CNTNAP2: variants seen among roughly 807,000 people sequenced by gnomAD.
CNTNAP2 encodes the protein contactin-associated protein-like 2.
In CNTNAP2, 98 loss-of-function variants were observed where a neutral mutation model predicts 155.2. The observed-to-expected ratio is 0.63, with a 90% CI of 0.54 to 0.75. The LOEUF (loss-of-function observed/expected upper bound fraction) is 0.75, where lower values mean the gene tolerates loss of function less well. Ranked by LOEUF, CNTNAP2 falls within the 30% of genes least tolerant of loss-of-function variation. CNTNAP2 has a pLI of 0.00. For missense variants in CNTNAP2, 1,727 were observed against 1,688.1 expected (o/e 1.02, Z -0.40); for synonymous variants, 651 against 631.2 (o/e 1.03, Z -0.47).
At chr7:147,595,930 C>G (rs1191206688) in intron 12 of CNTNAP2, among the ~76,000 whole-genome samples, 1 of 152,182 alleles carries the variant, frequency 6.6e-6, no homozygotes, top group Non-Finnish European at 1.5e-5. Flanking sequence ...GGGCTTTCTT[C>G]TCTTTGCTTG....
chr7:146,402,291 T>C (rs1412980782), intron 1 of CNTNAP2, among the ~76,000 whole-genome samples: 1 of 152,144 alleles, frequency 6.6e-6, no homozygotes, highest in Non-Finnish European at 1.5e-5. Flanking sequence ...TTCAGCTGTT[T>C]TCTATGTATT....
At chr7:148,408,247 C>T (rs879507847) in intron 22 of CNTNAP2, among the ~76,000 whole-genome samples, 2 of 152,024 alleles carry the variant, frequency 1.3e-5, no homozygotes, top group Admixed American at 1.3e-4. Flanking sequence ...AGACCCTTTC[C>T]CCACACTGCC....
chr7:147,359,420 G>T (rs956165745), intron 9 of CNTNAP2, among the ~76,000 whole-genome samples: 2 of 152,090 alleles, frequency 1.3e-5, no homozygotes, highest in African/African-American at 2.4e-5. Context: ...CCTATAGCCT[G>T]CTCTCAGCAC....
At chr7:146,620,320 C>T (rs930101037) in intron 1 of CNTNAP2, among the ~76,000 whole-genome samples, 3 of 152,156 alleles carry the variant, frequency 2.0e-5, no homozygotes, top group Non-Finnish European at 2.9e-5. Flanking sequence ...GCTAACGGTG[C>T]TGCCTGCTAG....
intron 8 of CNTNAP2, among the ~76,000 whole-genome samples, chr7:147,252,016 G>A (rs1302121457): frequency 3.9e-5 from 6 of 152,066 alleles, no homozygotes; most frequent in Non-Finnish European, 7.4e-5. Context: ...AAAAAGTGCT[G>A]TATTCAACTG....
At chr7:146,703,349 G>A (rs988543440) in intron 1 of CNTNAP2, among the ~76,000 whole-genome samples, 8 of 151,972 alleles carry the variant, frequency 5.3e-5, no homozygotes, top group Non-Finnish European at 8.8e-5. Flanking sequence ...TAATGTGTAC[G>A]AAAAAATGCA....
At chr7:147,592,116 C>G (rs75791493) in intron 12 of CNTNAP2, among the ~76,000 whole-genome samples, 221 of 152,268 alleles carry the variant, frequency 1.5e-3, no homozygotes, top group African/African-American at 4.9e-3. Flanking sequence ...TGCCTGTGAA[C>G]AGGGACTGTG....
At chr7:147,614,680 CAG>C (rs1055702174) in intron 12 of CNTNAP2, among the ~76,000 whole-genome samples, 12 of 151,304 alleles carry the variant, frequency 7.9e-5, no homozygotes, top group Non-Finnish European at 1.8e-4. Flanking sequence ...TGACTAGAAA[CAG>C]TGATTATAAG....
At chr7:146,182,380 A>G (rs1798561422) in intron 1 of CNTNAP2, among the ~76,000 whole-genome samples, 1 of 152,154 alleles carries the variant, frequency 6.6e-6, no homozygotes. Context: ...TGTAGGAGAC[A>G]TGTACATATT....
intron 18 of CNTNAP2, among the ~76,000 whole-genome samples, chr7:148,181,188 G>T (rs1331175347): frequency 6.6e-6 from 1 of 152,164 alleles, no homozygotes; most frequent in Admixed American, 6.5e-5. Context: ...CCACCATGTA[G>T]AGGACGTATC....
intron 10 of CNTNAP2, among the ~76,000 whole-genome samples, chr7:147,471,548 C>G (rs981818040): frequency 1.3e-5 from 2 of 152,168 alleles, no homozygotes; most frequent in Non-Finnish European, 2.9e-5. Context: ...TAAGTATTGT[C>G]GTGTCTACGA....
intron 13 of CNTNAP2, among the ~76,000 whole-genome samples, chr7:147,712,368 C>T (rs183823755): frequency 3.2e-4 from 48 of 152,264 alleles, no homozygotes; most frequent in African/African-American, 1.1e-3. Flanking sequence ...ACTAGAAATA[C>T]CATTTGACCC....
intron 14 of CNTNAP2, among the ~76,000 whole-genome samples, chr7:147,930,597 T>G (rs535714355): frequency 4.6e-4 from 70 of 152,248 alleles, no homozygotes; most frequent in African/African-American, 1.6e-3. Flanking sequence ...CTGATGGAAC[T>G]GAAGAAAGAA....
intron 12 of CNTNAP2, among the ~76,000 whole-genome samples, chr7:147,624,062 G>A (rs754212654): frequency 2.6e-5 from 4 of 151,942 alleles, no homozygotes; most frequent in Non-Finnish European, 5.9e-5. Flanking sequence ...GTTCATATGC[G>A]GAAGAATGAA....
At chr7:146,867,722 G>A (rs1184109076) in intron 3 of CNTNAP2, among the ~76,000 whole-genome samples, 6 of 151,120 alleles carry the variant, frequency 4.0e-5, no homozygotes, top group South Asian at 2.1e-4. Flanking sequence ...TCTGACTGGC[G>A]TGAGGTGGTA....
chr7:148,112,213 G>A (rs991214824), intron 15 of CNTNAP2, among the ~76,000 whole-genome samples: 5 of 151,548 alleles, frequency 3.3e-5, no homozygotes, highest in African/African-American at 1.2e-4. Flanking sequence ...AGAAAAATAA[G>A]CAAATGAAAA....
At chr7:148,340,171 T>A (rs922011258) in intron 21 of CNTNAP2, among the ~76,000 whole-genome samples, 1 of 152,192 alleles carries the variant, frequency 6.6e-6, no homozygotes, top group Non-Finnish European at 1.5e-5. Flanking sequence ...GTAGTTGTTA[T>A]AACATTATAG....
chr7:146,186,129 T>C (rs1373850327), intron 1 of CNTNAP2, among the ~76,000 whole-genome samples: 1 of 152,162 alleles, frequency 6.6e-6, no homozygotes, highest in Non-Finnish European at 1.5e-5. Context: ...CAATCCCATA[T>C]CATAAAATGT....
chr7:147,551,516 A>G (rs758599410), intron 11 of CNTNAP2, among the ~76,000 whole-genome samples: 1 of 152,192 alleles, frequency 6.6e-6, no homozygotes, highest in Non-Finnish European at 1.5e-5. Context: ...AAGCAATGTA[A>G]GCCACATTTA....
Sources: allele counts gnomAD v4.1 joint callset (sites outside exome capture counted in the v4.1 genomes callset), GRCh38; gene constraint gnomAD v4.1.1; transcripts MANE v1.5; gene names NCBI Gene and HGNC (gene_info 2026-07-23, HGNC 2026-07-21).